SLC71A2: variants seen among roughly 807,000 people sequenced by gnomAD.
The protein encoded by SLC71A2 is solute carrier family 71 member 2, also known as hippocampus abundant transcript-like 1.
At chr9:94,442,688 T>TA in the SLC71A2 span, among the ~76,000 whole-genome samples, 76,892 of 151,514 alleles carry the variant, frequency 0.51, 19,695 homozygotes, top group Admixed American at 0.6. Flanking sequence ...CCGTCTCTAC[T>TA]AAAATACAAA....
At chr9:94,414,225 A>G in the SLC71A2 span, among the ~76,000 whole-genome samples, 1 of 152,186 alleles carries the variant, frequency 6.6e-6, no homozygotes, top group African/African-American at 2.4e-5. Flanking sequence ...TAAGATTTGT[A>G]TTTTTAAAAA....
the SLC71A2 span, among the ~76,000 whole-genome samples, chr9:94,419,760 C>CA: frequency 6.6e-6 from 1 of 152,130 alleles, no homozygotes; most frequent in Non-Finnish European, 1.5e-5. Flanking sequence ...ATTTTTTTCT[C>CA]ACCTTGAAGG....
chr9:94,428,056 G>A, the SLC71A2 span, among the ~76,000 whole-genome samples: 56 of 152,184 alleles, frequency 3.7e-4, no homozygotes, highest in African/African-American at 1.2e-3. Context: ...CTGAGAGGCG[G>A]GGGTTGCAGT....
chr9:94,399,690 C>T, the SLC71A2 span, among the ~76,000 whole-genome samples: 1 of 152,168 alleles, frequency 6.6e-6, no homozygotes, highest in Non-Finnish European at 1.5e-5. Flanking sequence ...TGGGGTACAA[C>T]TTTCAACTAT....
chr9:94,414,041 G>A, the SLC71A2 span, among the ~76,000 whole-genome samples: 1 of 152,020 alleles, frequency 6.6e-6, no homozygotes, highest in Non-Finnish European at 1.5e-5. Context: ...GTTGGTTAGA[G>A]GAAGTTGTCA....
the SLC71A2 span, among the ~76,000 whole-genome samples, chr9:94,447,547 G>A: frequency 5.4e-5 from 8 of 147,286 alleles, no homozygotes; most frequent in African/African-American, 1.8e-4. Context: ...CAGCAAAATT[G>A]AGAGTAAGAT....
At chr9:94,416,123 G>C in the SLC71A2 span, among the ~76,000 whole-genome samples, 1 of 152,128 alleles carries the variant, frequency 6.6e-6, no homozygotes, top group East Asian at 1.9e-4. Context: ...AAAAGATGAC[G>C]GGGGCAGATA....
the SLC71A2 span, among the ~76,000 whole-genome samples, chr9:94,414,314 C>A: frequency 5.9e-5 from 9 of 152,256 alleles, no homozygotes; most frequent in Non-Finnish European, 1.3e-4. Flanking sequence ...CAGGTCATTG[C>A]AGTAATCTGT....
At chr9:94,442,548 G>A in the SLC71A2 span, among the ~76,000 whole-genome samples, 2 of 152,080 alleles carry the variant, frequency 1.3e-5, no homozygotes, top group African/African-American at 4.8e-5. Context: ...AGCTCACTCA[G>A]GAACACCAAA....
At chr9:94,387,096 C>A in the SLC71A2 span, among the ~76,000 whole-genome samples, 1 of 151,944 alleles carries the variant, frequency 6.6e-6, no homozygotes, top group African/African-American at 2.4e-5. Context: ...CAGCCCTGGG[C>A]CATCCTTTTA....
the SLC71A2 span, among the ~76,000 whole-genome samples, chr9:94,400,186 G>C: frequency 6.6e-6 from 1 of 151,886 alleles, no homozygotes; most frequent in African/African-American, 2.4e-5. Context: ...CTGCCTCCTC[G>C]ACCAACTAAA....
the SLC71A2 span, among the ~76,000 whole-genome samples, chr9:94,384,947 T>C: frequency 1.3e-5 from 2 of 151,822 alleles, no homozygotes; most frequent in Non-Finnish European, 2.9e-5. Flanking sequence ...TGAGTTTGGC[T>C]CCCCTTTGTC....
chr9:94,416,724 C>T, the SLC71A2 span, among the ~76,000 whole-genome samples: 2 of 151,904 alleles, frequency 1.3e-5, no homozygotes, highest in Non-Finnish European at 2.9e-5. Flanking sequence ...CATGGTGGTG[C>T]ATGCCTGTAA....
the SLC71A2 span, among the ~76,000 whole-genome samples, chr9:94,386,118 G>A: frequency 1.3e-5 from 2 of 152,034 alleles, no homozygotes; most frequent in Non-Finnish European, 2.9e-5. Context: ...CTTTATTTAG[G>A]TGAAATTTGT....
chr9:94,398,524 C>A, the SLC71A2 span, among the ~76,000 whole-genome samples: 2 of 152,280 alleles, frequency 1.3e-5, no homozygotes, highest in African/African-American at 2.4e-5. Context: ...AGCCTCAGTA[C>A]ATTTACTTAA....
the SLC71A2 span, among the ~76,000 whole-genome samples, chr9:94,389,077 A>G: frequency 6.6e-6 from 1 of 151,778 alleles, no homozygotes; most frequent in Non-Finnish European, 1.5e-5. Flanking sequence ...TAGTTTTCTC[A>G]GTATATGTAT....
the SLC71A2 span, among the ~76,000 whole-genome samples, chr9:94,432,220 G>A: frequency 6.6e-6 from 1 of 152,220 alleles, no homozygotes; most frequent in African/African-American, 2.4e-5. Context: ...GTCAGGCTAG[G>A]TCAGACGCAG....
chr9:94,451,933 C>T, the SLC71A2 span, among the ~76,000 whole-genome samples: 1 of 152,262 alleles, frequency 6.6e-6, no homozygotes, highest in Admixed American at 6.5e-5. Flanking sequence ...CCTAAGTCTC[C>T]TCGGAAGCCA....
At chr9:94,413,423 C>T in the SLC71A2 span, among the ~76,000 whole-genome samples, 1 of 151,920 alleles carries the variant, frequency 6.6e-6, no homozygotes, top group Non-Finnish European at 1.5e-5. Context: ...TAATATTATT[C>T]CAAAATTTAA....
Sources: gnomAD v4.1 joint callset for allele counts (sites outside exome capture counted in the v4.1 genomes callset) on GRCh38, gnomAD v4.1.1 for gene constraint, MANE v1.5 for transcripts, NCBI Gene and HGNC (gene_info 2026-07-23, HGNC 2026-07-21) for gene names.